Variants in ITGB2 observed in about 807,000 individuals in gnomAD.
The protein encoded by ITGB2 is integrin beta-2.
ITGB2 carries 56 observed loss-of-function variants against 86.8 expected under a neutral mutation model. That is an observed-to-expected ratio of 0.65 (90% CI 0.52 to 0.81). The LOEUF (loss-of-function observed/expected upper bound fraction) is 0.81. ITGB2 is among the 30% of genes least tolerant of loss of function. The pLI, the probability that ITGB2 is intolerant of heterozygous loss-of-function variation, is 0.00. For missense variants in ITGB2, 948 were observed against 1,061.2 expected (o/e 0.89, Z 1.48); for synonymous variants, 457 against 450.4 (o/e 1.01, Z -0.19).
intron 3 of ITGB2, among the ~76,000 whole-genome samples, chr21:44,908,625 C>T (rs781489690): frequency 1.8e-4 from 28 of 152,144 alleles, no homozygotes; most frequent in Admixed American, 9.8e-4. Context: ...TTTCGGGGAG[C>T]TCGGCTCTTA....
At chr21:44,895,091 G>GTC in intron 8 of ITGB2, 31 bp from the exon 9 acceptor site, 1 of 1,527,866 alleles carries the variant, frequency 6.5e-7, no homozygotes, top group East Asian at 2.2e-5. Context: ...ACATGGCACG[G>GTC]CTAGGACCTG....
chr21:44,888,978 C>A, intron 13 of ITGB2, 83 bp from the exon 14 acceptor site: 1 of 1,314,064 alleles, frequency 7.6e-7, no homozygotes, highest in Non-Finnish European at 1.1e-6. Context: ...TGTGTGTCCA[C>A]CAGGGGGGGC....
intron 1 of ITGB2, among the ~76,000 whole-genome samples, chr21:44,916,665 T>C (rs1453495276): frequency 6.6e-5 from 10 of 151,824 alleles, no homozygotes; most frequent in Admixed American, 3.9e-4. Flanking sequence ...GTCAGGAGTT[T>C]GAGACCAGCC....
chr21:44,903,833 T>C (rs1057174063), intron 4 of ITGB2, among the ~76,000 whole-genome samples: 3 of 152,060 alleles, frequency 2.0e-5, no homozygotes, highest in African/African-American at 4.8e-5. Context: ...CGCCTTTCAT[T>C]GAGAGTGGCA....
At chr21:44,904,598 GT>G (rs2084015054) in intron 4 of ITGB2, among the ~76,000 whole-genome samples, 8 of 149,964 alleles carry the variant, frequency 5.3e-5, no homozygotes, top group Non-Finnish European at 1.5e-5. Flanking sequence ...ATATGTACTT[GT>G]TCATATACAC....
rs984863862 is a variant in ITGB2, at chr21:44,886,495, T to C, written c.2248-65A>G. 9 of 1,541,636 alleles carry C rather than the reference T, an allele frequency of 5.8e-6. No individual in the cohort carries two copies. In the Middle Eastern group the frequency reaches 5.0e-4, roughly 86 times the overall value. On this transcript the variant is annotated intron_variant, in intron 15 of 15. Coordinates refer to ENST00000652462, the MANE Select transcript of ITGB2 (RefSeq NM_000211.5). ...GTTTTCAGAGCAGAATCTTTCTCCC[T>C]GAGGACACTCCCCGCATGGAAGCCG...
intron 3 of ITGB2, 31 bp from the exon 4 acceptor site, chr21:44,907,126 G>C (rs200972335): frequency 1.3e-6 from 2 of 1,538,946 alleles, no homozygotes; most frequent in African/African-American, 2.7e-5. Flanking sequence ...GTCAGGAGGG[G>C]GCCACACTGC....
At chr21:44,903,640 G>A in intron 4 of ITGB2, 105 bp from the exon 5 acceptor site, 1 of 1,368,266 alleles carries the variant, frequency 7.3e-7, no homozygotes, top group South Asian at 1.2e-5. Flanking sequence ...CTCTCCTCCA[G>A]CCCCCAAATC....
chr21:44,916,251 C>A (rs7282310), intron 1 of ITGB2, among the ~76,000 whole-genome samples: 1 of 151,968 alleles, frequency 6.6e-6, no homozygotes, highest in Non-Finnish European at 1.5e-5. Flanking sequence ...GCCACAATTT[C>A]TGGCCAAATG....
rs761362601 is a variant in ITGB2, at chr21:44,900,526, C to T, written c.742-51G>A. On this transcript the variant is annotated intron_variant, in intron 6 of 15. Transcript: ENST00000652462. ...GTTACCTGCCTCAGTTTCCCAGACCCGGCCCTCTGGAGCAGAGGAGACGAT... is the reference window on the plus strand; with the variant it reads ...GTTACCTGCCTCAGTTTCCCAGACCTGGCCCTCTGGAGCAGAGGAGACGAT... The T allele has an allele frequency of 1.3e-4, 202 of 1,607,982 alleles. 1 individual carries two copies. The highest frequency in any genetic ancestry group is 1.8e-4 in the East Asian group (8 of 44,810).
intron 1 of ITGB2, among the ~76,000 whole-genome samples, chr21:44,916,823 T>A (rs963991479): frequency 6.2e-5 from 9 of 145,900 alleles, no homozygotes; most frequent in Non-Finnish European, 1.3e-4. Flanking sequence ...AGCTGAGATC[T>A]CACCTCTGCA....
rs755771692 is a variant in ITGB2 at position 44,890,258 on chromosome 21, C to T, written c.1413-36G>A. The T allele has an allele frequency of 3.1e-6, 5 of 1,611,798 alleles. No individual in the cohort carries two copies. In the South Asian group the frequency reaches 3.3e-5, roughly 11 times the overall value. On this transcript the variant is annotated intron_variant, in intron 11 of 15. Transcript: ENST00000652462. The stretch of plus-strand genomic sequence containing the variant: ...GAGGGGCCCCAAGGTCAGGCTCCCC[C>T]CAGTGATGTGGGACAAGGGACAGCC...
At chr21:44,898,456 A>G (rs149636483) in intron 8 of ITGB2, among the ~76,000 whole-genome samples, 29 of 152,244 alleles carry the variant, frequency 1.9e-4, no homozygotes, top group African/African-American at 6.7e-4. Context: ...CTGGTTCCTG[A>G]GCTCTGCAAG....
intron 1 of ITGB2, among the ~76,000 whole-genome samples, chr21:44,919,111 C>T (rs1246887489): frequency 6.6e-6 from 1 of 151,094 alleles, no homozygotes; most frequent in East Asian, 2.0e-4. Context: ...ACAAACCCCA[C>T]AGCCCGCCCG....
In ITGB2 at chr21:44,910,811, C is replaced by T. The variant is rs201758762; in HGVS notation, c.-3-26G>A. ...CTGTGGAGGGAAGGGGTCTTGGTGA[C>T]GGTCTCAGGCCCAACCCCTGGGGCT... On this transcript the variant is annotated intron_variant, in intron 1 of 15. Coordinates refer to ENST00000652462, the MANE Select transcript of ITGB2 (RefSeq NM_000211.5). 2.0e-4 allele frequency: 326 copies of T among 1,607,964 alleles called. 1 individual carries two copies. The East Asian group carries it at 6.7e-3, about 33-fold the overall frequency.
intron 7 of ITGB2, among the ~76,000 whole-genome samples, chr21:44,900,055 A>G (rs1361615305): frequency 6.6e-6 from 1 of 152,074 alleles, no homozygotes; most frequent in Non-Finnish European, 1.5e-5. Context: ...GTAGGGGGGC[A>G]GTGGGGCTGG....
chr21:44,913,368 G>T (rs1426657980), intron 1 of ITGB2, among the ~76,000 whole-genome samples: 2 of 152,174 alleles, frequency 1.3e-5, no homozygotes, highest in South Asian at 4.1e-4. Context: ...CCCAGCAGCA[G>T]CAAGATATGG....
intron 6 of ITGB2, among the ~76,000 whole-genome samples, chr21:44,901,175 G>C (rs1601304515): frequency 6.6e-6 from 1 of 152,232 alleles, no homozygotes; most frequent in Non-Finnish European, 1.5e-5. Context: ...CACGGGACCT[G>C]CTGCCTAGCG....
At chr21:44,896,734 G>A (rs545288725) in intron 8 of ITGB2, among the ~76,000 whole-genome samples, 3 of 152,154 alleles carry the variant, frequency 2.0e-5, no homozygotes, top group East Asian at 1.9e-4. Flanking sequence ...CGGAGGGGGC[G>A]TGGCACGTGT....
Sources: gnomAD v4.1 joint callset for allele counts (sites outside exome capture counted in the v4.1 genomes callset) on GRCh38, gnomAD v4.1.1 for gene constraint, MANE v1.5 for transcripts, NCBI Gene and HGNC (gene_info 2026-07-23, HGNC 2026-07-21) for gene names.